Variants in SH3GL3 observed in about 807,000 individuals in gnomAD.
SH3GL3 encodes endophilin-A3.
Under a neutral mutation model 47.7 loss-of-function variants are expected in SH3GL3, and 33 were observed. That is an observed-to-expected ratio of 0.69 (90% CI 0.52 to 0.92). SH3GL3 has a LOEUF of 0.92. Ranked by LOEUF, SH3GL3 falls within the 40% of genes least tolerant of loss-of-function variation. The pLI is 0.00. For missense variants in SH3GL3, 363 were observed against 417.8 expected, an observed-to-expected ratio of 0.87 and a Z score of 1.14; for synonymous variants, 155 against 148.8, an observed-to-expected ratio of 1.04 and a Z score of -0.30.
intron 1 of SH3GL3, 49 bp from the exon 2 acceptor site, chr15:83,559,204 G>A (rs762125736): frequency 1.7e-5 from 18 of 1,071,110 alleles, no homozygotes; most frequent in Non-Finnish European, 2.5e-5. Context: ...GTAAAAAACT[G>A]TGACAAGAAA....
rs1050547929 is a variant in SH3GL3, at chr15:83,582,631, G to A, written c.625-4352G>A. 2.9e-4 allele frequency among the ~76,000 whole-genome samples: 44 copies of A among 152,124 alleles called. 1 individual carries two copies. Among genetic ancestry groups the A allele is most frequent in the Non-Finnish European group, 3.7e-4 (25 of 68,032 alleles). On this transcript the variant is annotated intron_variant, in intron 6 of 8. Transcript: ENST00000427482. ...CAAACTTATTTGACCGCAGAATTCC[G>A]TCACATTATTATATTATTACTAATG...
At chr15:83,619,346 C>T (rs1266531059), downstream of SH3GL3, among the ~76,000 whole-genome samples, 1 of 152,092 alleles carries the variant, frequency 6.6e-6, no homozygotes, top group African/African-American at 2.4e-5. Flanking sequence ...TGGGGGTTTC[C>T]CAGTGTATAG....
intron 1 of SH3GL3, among the ~76,000 whole-genome samples, chr15:83,558,371 T>C (rs1270958166): frequency 6.6e-6 from 1 of 152,212 alleles, no homozygotes; most frequent in Non-Finnish European, 1.5e-5. Flanking sequence ...CCATTCTTCC[T>C]TGTGCACTAG....
rs536721042 is a variant in SH3GL3, at chr15:83,521,633, A to G, written c.46-37620A>G. Among the ~76,000 whole-genome samples, 37 of 152,316 alleles carry G rather than the reference A, an allele frequency of 2.4e-4. 1 individual carries two copies. The highest frequency in any genetic ancestry group is 8.9e-4 in the African/African-American group (37 of 41,580). Reference sequence around the variant, plus strand: ...AGCAGCAAGGAAGCCTGAGAAATGTAGATTGCAGAGTAGAATCACTGAGTG... The same window carrying G: ...AGCAGCAAGGAAGCCTGAGAAATGTGGATTGCAGAGTAGAATCACTGAGTG... On this transcript the variant is annotated intron_variant, in intron 1 of 8. Coordinates refer to ENST00000427482, the MANE Select transcript of SH3GL3 (RefSeq NM_003027.5).
At position 83,566,873 on chromosome 15, in the gene SH3GL3, G is replaced by A. The variant is rs2045574518; in HGVS notation, c.188-1656G>A. On this transcript the variant is annotated intron_variant, in intron 3 of 8. Transcript: ENST00000427482. ...CTACTCACAGTGCATTCTATTGCTG[G>A]AGATGCAGAATTAGGCTCAACCCAG... 2.0e-5 allele frequency among the ~76,000 whole-genome samples: 3 copies of A among 152,182 alleles called. No individual in the cohort carries two copies. The South Asian group carries it at 6.2e-4, about 31-fold the overall frequency.
At chr15:83,591,804 G>A (rs1265589014) in intron 8 of SH3GL3, among the ~76,000 whole-genome samples, 4 of 152,016 alleles carry the variant, frequency 2.6e-5, no homozygotes, top group Non-Finnish European at 5.9e-5. Flanking sequence ...TCCTGCCTCG[G>A]CCCCCCGAGT....
At chr15:83,515,244 G>A (rs1395653981) in intron 1 of SH3GL3, among the ~76,000 whole-genome samples, 1 of 152,178 alleles carries the variant, frequency 6.6e-6, no homozygotes, top group Non-Finnish European at 1.5e-5. Context: ...TGAGGCCAAG[G>A]CATGAGTTCT....
intron 3 of SH3GL3, 147 bp from the exon 4 acceptor site, chr15:83,568,382 A>G (rs1596278517): frequency 1.2e-5 from 7 of 581,862 alleles, no homozygotes; most frequent in South Asian, 2.2e-5. Context: ...AGAAAATTAA[A>G]TAGTTCACAC....
intron 1 of SH3GL3, among the ~76,000 whole-genome samples, chr15:83,514,397 A>G (rs1309590120): frequency 2.0e-5 from 3 of 151,320 alleles, no homozygotes; most frequent in African/African-American, 7.3e-5. Context: ...TAGTGGAGGG[A>G]GAGAGAGAGA....
At chr15:83,577,547 T>C (rs924269399) in intron 6 of SH3GL3, among the ~76,000 whole-genome samples, 22 of 152,192 alleles carry the variant, frequency 1.4e-4, no homozygotes, top group Admixed American at 5.9e-4. Context: ...ATCACAGGCA[T>C]GCCACCAAAC....
intron 1 of SH3GL3, among the ~76,000 whole-genome samples, chr15:83,483,164 G>C (rs2041443972): frequency 6.6e-6 from 1 of 152,216 alleles, no homozygotes. Context: ...AGTGTGTCTA[G>C]TTTCAGCAGG....
At chr15:83,594,007 T>C (rs966436230) in intron 8 of SH3GL3, among the ~76,000 whole-genome samples, 1 of 152,080 alleles carries the variant, frequency 6.6e-6, no homozygotes, top group Non-Finnish European at 1.5e-5. Context: ...TTCGTAGAGA[T>C]GAGGATTCAC....
At chr15:83,573,659 G>A (rs2059595290) in intron 5 of SH3GL3, among the ~76,000 whole-genome samples, 1 of 152,182 alleles carries the variant, frequency 6.6e-6, no homozygotes, top group South Asian at 2.1e-4. Context: ...TGTGAGCTTG[G>A]GTGGCCTTCC....
intron 1 of SH3GL3, among the ~76,000 whole-genome samples, chr15:83,555,039 A>T (rs2044874099): frequency 6.6e-6 from 1 of 152,020 alleles, no homozygotes; most frequent in African/African-American, 2.4e-5. Flanking sequence ...CATATCTATT[A>T]ACTGATATTT....
intron 1 of SH3GL3, among the ~76,000 whole-genome samples, chr15:83,464,009 G>T (rs554099751): frequency 1.3e-5 from 2 of 151,962 alleles, no homozygotes; most frequent in African/African-American, 4.8e-5. Context: ...TGATCCGCCC[G>T]CCTCGGCCTC....
intron 1 of SH3GL3, among the ~76,000 whole-genome samples, chr15:83,506,021 A>G (rs545526739): frequency 6.6e-6 from 1 of 152,236 alleles, no homozygotes; most frequent in Non-Finnish European, 1.5e-5. Context: ...ATGTCTTTTG[A>G]TAAAAGAAAT....
intron 1 of SH3GL3, among the ~76,000 whole-genome samples, chr15:83,526,803 C>A (rs924994087): frequency 6.6e-6 from 1 of 152,080 alleles, no homozygotes; most frequent in Non-Finnish European, 1.5e-5. Context: ...ACATGTACCC[C>A]TGAACTTAAA....
intron 1 of SH3GL3, among the ~76,000 whole-genome samples, chr15:83,508,822 C>G (rs765264195): frequency 6.6e-6 from 1 of 152,158 alleles, no homozygotes; most frequent in Non-Finnish European, 1.5e-5. Flanking sequence ...TCTTGATCTC[C>G]TGACCTCGTG....
At chr15:83,506,877 C>G (rs1487834725) in intron 1 of SH3GL3, among the ~76,000 whole-genome samples, 1 of 152,032 alleles carries the variant, frequency 6.6e-6, no homozygotes, top group Non-Finnish European at 1.5e-5. Flanking sequence ...TGGCTGAAGG[C>G]TGGGGAGCAT....
Sources: allele counts gnomAD v4.1 joint callset (sites outside exome capture counted in the v4.1 genomes callset), GRCh38; gene constraint gnomAD v4.1.1; transcripts MANE v1.5; gene names NCBI Gene and HGNC (gene_info 2026-07-23, HGNC 2026-07-21).